The following ITPR2 variants were observed in gnomAD, a reference collection of about 807,000 sequenced individuals.
ITPR2 encodes the protein inositol 1,4,5-trisphosphate receptor type 2.
ITPR2 carries 207 observed loss-of-function variants against 317.1 expected under a neutral mutation model. The observed-to-expected ratio is 0.65, with a 90% CI of 0.58 to 0.73. The LOEUF (loss-of-function observed/expected upper bound fraction) is 0.73. Ranked by LOEUF, ITPR2 falls within the 30% of genes least tolerant of loss-of-function variation. The pLI, the probability that ITPR2 is intolerant of heterozygous loss-of-function variation, is 0.00. For missense variants in ITPR2, 2,613 were observed against 3,284.0 expected (o/e 0.80, Z 4.99); for synonymous variants, 1,156 against 1,149.1 (o/e 1.01, Z -0.12).
Position 26,411,355 on chromosome 12 carries a change from T to C in ITPR2, c.7364A>G (p.Glu2455Gly), listed in dbSNP as rs375580336. The C allele has an allele frequency of 6.2e-7, 1 of 1,613,714 alleles. No homozygotes were observed. The highest frequency in any genetic ancestry group is 1.7e-5 in the Admixed American group (1 of 59,998). The change falls in exon 52 of 57, where the codon GAG becomes GGG. Residue 2455 changes from glutamate (E) to glycine (G), a missense_variant. Physicochemically the swap from Glu to Gly is moderately conservative, Grantham distance 98. This residue lies in a region of ITPR2 where 113 missense variants were observed against 129.2 expected (regional missense o/e 0.87). Coordinates refer to ENST00000381340, the MANE Select transcript of ITPR2 (RefSeq NM_002223.4). ...AGCTGGAATTGTGGGTGAACAGTTC[T>C]CCTTGGCACATGCTTCCATCATGGT... ...LTTMMEACAK[E>G]NCSPTIPASN...
Position 26,831,174 on chromosome 12 carries a change from A to AAACAGTGGTAGCTCATGATTC in ITPR2, c.92+1495_92+1515dup, listed in dbSNP as rs1294259138. Among the ~76,000 whole-genome samples, 1 of 152,238 alleles carries AAACAGTGGTAGCTCATGATTC rather than the reference A, an allele frequency of 6.6e-6. No individual in the cohort carries two copies. Among genetic ancestry groups the AAACAGTGGTAGCTCATGATTC allele is most frequent in the Non-Finnish European group, 1.5e-5 (1 of 68,048 alleles). The stretch of plus-strand genomic sequence containing the variant: ...GAACTTGTATCATGAATGATCTCAA[A>AAACAGTGGTAGCTCATGATTC]AACAGTGGTAGCTCATGATTCACAA... On this transcript the variant is annotated intron_variant, in intron 1 of 56. Coordinates refer to ENST00000381340, the MANE Select transcript of ITPR2 (RefSeq NM_002223.4). This position sits in a 1 kb window ranked among gnomAD's most constrained non-coding sequence, Gnocchi z 4.9.
chr12:26,715,261 T>G, intron 8 of ITPR2, 38 bp downstream of exon 8: 1 of 1,538,866 alleles, frequency 6.5e-7, no homozygotes, highest in Non-Finnish European at 8.9e-7. Flanking sequence ...CTCTTTTTGA[T>G]CTAAATATTT....
Position 26,681,942 on chromosome 12 carries a change from A to G in ITPR2, c.1341T>C (p.Asp447=). The change falls in exon 13 of 57, where the codon GAT becomes GAC. Residue 447 remains aspartate (D), a synonymous_variant. Transcript: ENST00000381340. ...CTGTGGTCGCTAGTACTTTATTGGCATCATTGGCAAAGTCTAAGTCTCGAA... is the reference window on the plus strand; with the variant it reads ...CTGTGGTCGCTAGTACTTTATTGGCGTCATTGGCAAAGTCTAAGTCTCGAA... The part of the protein sequence containing the change: ...SEVRDLDFAN[D]ANKVLATTVK... 6.2e-7 allele frequency: 1 copy of G among 1,613,632 alleles called. No individual in the cohort carries two copies. The highest frequency in any genetic ancestry group is 8.5e-7 in the Non-Finnish European group (1 of 1,179,616).
At chr12:26,431,190 C>T (rs915946679) in intron 48 of ITPR2, among the ~76,000 whole-genome samples, 1 of 152,078 alleles carries the variant, frequency 6.6e-6, no homozygotes, top group Non-Finnish European at 1.5e-5. Context: ...TTCTTTAACA[C>T]AAAGCACTTG....
In ITPR2 at chr12:26,831,770, A is replaced by T. The variant is rs190393388; in HGVS notation, c.92+920T>A. On this transcript the variant is annotated intron_variant, in intron 1 of 56. Transcript: ENST00000381340. This position sits in a 1 kb window ranked among gnomAD's most constrained non-coding sequence, Gnocchi z 4.9. ...TTCTACATAAAATATATAAATATAT[A>T]TTCTACATAAAATATATAAATATAT... Among the ~76,000 whole-genome samples the T allele has an allele frequency of 2.1e-5, 2 of 96,666 alleles. No homozygotes were observed. The highest frequency in any genetic ancestry group is 3.0e-5 in the African/African-American group (1 of 32,796). The allele number at this position is 96,666 out of a possible 152,430, so 63.4% of individuals were successfully genotyped here.
intron 1 of ITPR2, among the ~76,000 whole-genome samples, chr12:26,814,027 C>T (rs533009934): frequency 1.3e-5 from 2 of 152,318 alleles, no homozygotes; most frequent in African/African-American, 4.8e-5. Context: ...GATGACGTCA[C>T]CTTTGCCATC....
chr12:26,453,851 G>A (rs1456018678), intron 45 of ITPR2, among the ~76,000 whole-genome samples: 34 of 152,178 alleles, frequency 2.2e-4, no homozygotes, highest in Admixed American at 2.0e-4. Flanking sequence ...GATAATATGC[G>A]AGTATGAAAT....
intron 11 of ITPR2, among the ~76,000 whole-genome samples, chr12:26,685,053 G>A (rs944437252): frequency 5.9e-5 from 9 of 152,120 alleles, no homozygotes; most frequent in Non-Finnish European, 1.3e-4. Flanking sequence ...TTTCTCAATA[G>A]TGTTATTATA....
At chr12:26,603,293 A>T (rs1946047135) in intron 26 of ITPR2, among the ~76,000 whole-genome samples, 1 of 152,252 alleles carries the variant, frequency 6.6e-6, no homozygotes, top group Non-Finnish European at 1.5e-5. Flanking sequence ...TAAAATGTTT[A>T]AATTACCAAA....
intron 37 of ITPR2, among the ~76,000 whole-genome samples, chr12:26,544,511 G>C (rs910837667): frequency 5.9e-5 from 9 of 151,686 alleles, no homozygotes; most frequent in Non-Finnish European, 1.2e-4. Flanking sequence ...GTTCAACCAT[G>C]AAGCAAATTT....
intron 36 of ITPR2, among the ~76,000 whole-genome samples, chr12:26,555,631 C>T (rs1353964846): frequency 6.6e-6 from 1 of 152,164 alleles, no homozygotes; most frequent in Non-Finnish European, 1.5e-5. Flanking sequence ...AATAGATCTG[C>T]AATACCACAA....
intron 34 of ITPR2, among the ~76,000 whole-genome samples, chr12:26,565,758 C>T (rs1167053214): frequency 2.7e-5 from 4 of 148,726 alleles, no homozygotes; most frequent in Admixed American, 6.8e-5. Context: ...CACTGTGATG[C>T]GAATAGCCAC....
At chr12:26,433,077 T>C (rs117254267) in intron 48 of ITPR2, among the ~76,000 whole-genome samples, 1 of 152,328 alleles carries the variant, frequency 6.6e-6, no homozygotes, top group Non-Finnish European at 1.5e-5. Context: ...CTATGCAGTG[T>C]GCAACAGATT....
At chr12:26,504,680 GC>G (rs1296758501) in intron 37 of ITPR2, among the ~76,000 whole-genome samples, 1 of 152,166 alleles carries the variant, frequency 6.6e-6, no homozygotes, top group African/African-American at 2.4e-5. Flanking sequence ...ATCAATGTAT[GC>G]TCTCAGCCAC....
rs58056683 is a variant in ITPR2, at chr12:26,772,478, A to ATT, written c.163+17678_163+17679insAA. Among the ~76,000 whole-genome samples the ATT allele has an allele frequency of 7.1e-3, 575 of 80,572 alleles. 12 individuals carry two copies. Among genetic ancestry groups the ATT allele is most frequent in the African/African-American group, 0.015 (455 of 30,204 alleles). 52.9% of individuals were successfully genotyped at this position (80,572 alleles called of 152,430 possible). ...TATATATAATACATGTATTATATAT[A>ATT]ATATATATAATACATATAATACATG... On this transcript the variant is annotated intron_variant, in intron 2 of 56. Coordinates refer to ENST00000381340, the MANE Select transcript of ITPR2 (RefSeq NM_002223.4).
chr12:26,591,432 T>C (rs1013332714), intron 32 of ITPR2, among the ~76,000 whole-genome samples: 1 of 152,086 alleles, frequency 6.6e-6, no homozygotes, highest in African/African-American at 2.4e-5. Context: ...AGACAGGCAA[T>C]AACAAATGCT....
Position 26,666,069 on chromosome 12 carries a change from G to A in ITPR2, c.1410-18C>T. 3 of 1,599,612 alleles carry A rather than the reference G, an allele frequency of 1.9e-6. No homozygotes were observed. Among genetic ancestry groups the A allele is most frequent in the Non-Finnish European group, 2.6e-6 (3 of 1,173,674 alleles). On this transcript the variant is annotated intron_variant, in intron 13 of 56. Transcript: ENST00000381340. The stretch of plus-strand genomic sequence containing the variant: ...TTACAAACCTATTACAAAATGAAAA[G>A]GAAATTTTACTTTACAGTGTGCTTA...
intron 37 of ITPR2, among the ~76,000 whole-genome samples, chr12:26,534,835 A>C (rs1032093030): frequency 7.2e-5 from 11 of 152,206 alleles, no homozygotes; most frequent in African/African-American, 2.4e-4. Context: ...CACTTGCTGT[A>C]TTTTGCATCA....
At chr12:26,590,936 C>T (rs907993066) in intron 32 of ITPR2, among the ~76,000 whole-genome samples, 1 of 151,626 alleles carries the variant, frequency 6.6e-6, no homozygotes, top group Non-Finnish European at 1.5e-5. Flanking sequence ...AAAAATTAAA[C>T]GGGAGTGGTG....
Sources: gnomAD v4.1 joint callset for allele counts (sites outside exome capture counted in the v4.1 genomes callset) on GRCh38, gnomAD v4.1.1 for gene constraint, gnomAD v4.1.1 regional missense constraint, Gnocchi (gnomAD v3.1) non-coding constraint, MANE v1.5 for transcripts, NCBI Gene and HGNC (gene_info 2026-07-23, HGNC 2026-07-21) for gene names.